The following ARHGAP39 variants were observed in gnomAD, a reference collection of about 807,000 sequenced individuals.
The protein encoded by ARHGAP39 is Rho GTPase activating protein 39.
In ARHGAP39, 44 loss-of-function variants were observed where a neutral mutation model predicts 106.9. The ratio of observed to expected loss-of-function variants is 0.41; its 90% CI spans 0.32 to 0.53. The LOEUF (loss-of-function observed/expected upper bound fraction) is 0.53. Among genes scored for constraint, ARHGAP39 ranks in the 20% least tolerant of loss-of-function variants. The pLI is 0.21. For synonymous variants in ARHGAP39, 768 were observed against 693.2 expected (o/e 1.11, Z -1.69); for missense variants, 1,496 against 1,577.3 (o/e 0.95, Z 0.87).
At chr8:144,636,608 T>C (rs963559648) in intron 1 of ARHGAP39, among the ~76,000 whole-genome samples, 1 of 152,140 alleles carries the variant, frequency 6.6e-6, no homozygotes, top group Non-Finnish European at 1.5e-5. Context: ...CAAACCCCAT[T>C]TTCACTTCTG....
At chr8:144,545,837 G>A in intron 5 of ARHGAP39, 27 bp from the exon 6 acceptor site, 1 of 1,389,736 alleles carries the variant, frequency 7.2e-7, no homozygotes, top group Non-Finnish European at 9.7e-7. Context: ...CGGCTGGGCT[G>A]TTGGGGGTGG....
In ARHGAP39 at chr8:144,597,689, A is replaced by G. The variant is rs528391416; in HGVS notation, c.80+7846T>C. ...GATCAAATGGGAAAGGCAAAACTTT[A>G]AGACTTTTAGAAGAAAATACGTGAA... is the stretch of plus-strand genomic sequence containing the variant. On this transcript the variant is annotated intron_variant, in intron 2 of 11. Transcript: ENST00000377307. 7.9e-5 allele frequency among the ~76,000 whole-genome samples: 12 copies of G among 152,336 alleles called. No individual in the cohort carries two copies. In the South Asian group the frequency reaches 2.5e-3, roughly 32 times the overall value.
chr8:144,639,597 C>T lies in ARHGAP39; in HGVS notation c.-81-33902G>A, dbSNP rs540943323. Among the ~76,000 whole-genome samples, 15 of 151,888 alleles carry T rather than the reference C, an allele frequency of 9.9e-5. No homozygotes were observed. The Middle Eastern group carries it at 0.014, about 139-fold the overall frequency. ...TACGTATTCCTGTCAATGGTTGCCACGGTAAATTTTGTATTTACATCAAGA... is the reference window on the plus strand; with the variant it reads ...TACGTATTCCTGTCAATGGTTGCCATGGTAAATTTTGTATTTACATCAAGA... On this transcript the variant is annotated intron_variant, in intron 1 of 11. Transcript: ENST00000377307.
At position 144,547,288 on chromosome 8, in the gene ARHGAP39, C is replaced by T. The variant is rs762757779; in HGVS notation, c.1798G>A (p.Val600Met). Residue 600 changes from valine to methionine, a missense_variant, in exon 5 of 12, where the codon GTG becomes ATG. This residue lies in a region of ARHGAP39 where 905 missense variants were observed against 816.4 expected (regional missense o/e 1.11). Transcript: ENST00000377307. The surrounding 1 kb of genome is among the most constrained non-coding windows in gnomAD (Gnocchi z 5.2). ...GCCTCGTCCTCGCTGAAGGCCCGCA[C>T]CACCGGCCCGGGCATGGGCAGTGGC... Reference protein sequence around the residue: ...ALPLPMPGPVVRAFSEDEALA... With the variant: ...ALPLPMPGPVMRAFSEDEALA... 115 of 1,612,124 alleles carry T rather than the reference C, an allele frequency of 7.1e-5. No homozygotes were observed. The highest frequency in any genetic ancestry group is 9.5e-5 in the Non-Finnish European group (112 of 1,179,728).
chr8:144,593,178 T>C (rs913530947), intron 2 of ARHGAP39, among the ~76,000 whole-genome samples: 8 of 152,102 alleles, frequency 5.3e-5, no homozygotes, highest in Non-Finnish European at 1.5e-5. Context: ...GAGATGTCTG[T>C]TTGCACACAG....
chr8:144,575,038 TA>T (rs1351212434), intron 3 of ARHGAP39, among the ~76,000 whole-genome samples: 1 of 152,226 alleles, frequency 6.6e-6, no homozygotes, highest in African/African-American at 2.4e-5. Flanking sequence ...TGCCGAATGC[TA>T]AATGCCATTG....
intron 3 of ARHGAP39, 85 bp from the exon 4 acceptor site, chr8:144,555,728 A>C (rs1008769256): frequency 8.6e-7 from 1 of 1,168,586 alleles, no homozygotes; most frequent in Non-Finnish European, 1.3e-6. Flanking sequence ...AGAATGTGGC[A>C]CTGCCACCTC....
chr8:144,549,517 G>A lies in ARHGAP39; in HGVS notation c.597-1028C>T, dbSNP rs11779192. Among the ~76,000 whole-genome samples, 661 of 151,988 alleles carry A rather than the reference G, an allele frequency of 4.3e-3. 1 individual carries two copies. Among genetic ancestry groups the A allele is most frequent in the Non-Finnish European group, 7.3e-3 (493 of 67,972 alleles). On this transcript the variant is annotated intron_variant, in intron 4 of 11. Coordinates refer to ENST00000377307, the MANE Select transcript of ARHGAP39 (RefSeq NM_025251.3). ...TGGTTTTGTTTTGTTTTTTTGAGACGGAGTCTTGCTCTGTCGCCAGGCTGG... is the reference window on the plus strand; with the variant it reads ...TGGTTTTGTTTTGTTTTTTTGAGACAGAGTCTTGCTCTGTCGCCAGGCTGG...
chr8:144,544,512 G>A (rs1306853763), intron 6 of ARHGAP39, among the ~76,000 whole-genome samples: 1 of 152,240 alleles, frequency 6.6e-6, no homozygotes, highest in African/African-American at 2.4e-5. Flanking sequence ...GTGCATTTCT[G>A]GATATCAGTT....
intron 2 of ARHGAP39, among the ~76,000 whole-genome samples, chr8:144,583,093 G>C (rs11993170): frequency 0.03 from 4,570 of 152,144 alleles, 230 homozygotes; most frequent in African/African-American, 0.1. Flanking sequence ...CCCCGCTCTG[G>C]TCCGTGCTTT....
chr8:144,626,920 C>A (rs1326398021), intron 1 of ARHGAP39, among the ~76,000 whole-genome samples: 2 of 152,254 alleles, frequency 1.3e-5, no homozygotes, highest in African/African-American at 4.8e-5. Context: ...CAACAGCCCC[C>A]ACAAGACATC....
At position 144,585,664 on chromosome 8, in the gene ARHGAP39, G is replaced by A. The variant is rs1037408780; in HGVS notation, c.81-4387C>T. 2.6e-5 allele frequency among the ~76,000 whole-genome samples: 4 copies of A among 152,310 alleles called. No homozygotes were observed. The Middle Eastern group carries it at 0.01, about 389-fold the overall frequency. Reference sequence around the variant, plus strand: ...TAGGGAGAGAGGATTCAGGCTTGGCGGGGCCAGGACCTCCCGCCCATGGTG... The same window carrying A: ...TAGGGAGAGAGGATTCAGGCTTGGCAGGGCCAGGACCTCCCGCCCATGGTG... On this transcript the variant is annotated intron_variant, in intron 2 of 11. Transcript: ENST00000377307. The surrounding 1 kb of genome is among the most constrained non-coding windows in gnomAD (Gnocchi z 4.6).
intron 2 of ARHGAP39, among the ~76,000 whole-genome samples, chr8:144,593,398 A>C (rs11988651): frequency 0.12 from 17,516 of 152,070 alleles, 2,268 homozygotes; most frequent in African/African-American, 0.32. Context: ...ATGCAGTCAG[A>C]CCCTACCTCA....
intron 1 of ARHGAP39, among the ~76,000 whole-genome samples, chr8:144,621,889 C>G (rs142456861): frequency 6.6e-6 from 1 of 152,228 alleles, no homozygotes; most frequent in Non-Finnish European, 1.5e-5. Flanking sequence ...TTCAGGCAAA[C>G]AAGATGTGGT....
chr8:144,537,458 A>G (rs532277200), intron 7 of ARHGAP39, among the ~76,000 whole-genome samples: 1 of 152,248 alleles, frequency 6.6e-6, no homozygotes, highest in African/African-American at 2.4e-5. Flanking sequence ...GCAAGTTATC[A>G]TGCCCCCACC....
chr8:144,613,490 G>GTT (rs59528973), intron 1 of ARHGAP39, among the ~76,000 whole-genome samples: 9 of 143,412 alleles, frequency 6.3e-5, no homozygotes, highest in South Asian at 2.2e-4. Flanking sequence ...TTGGTGGACA[G>GTT]TTTTTTTTTT....
intron 2 of ARHGAP39, among the ~76,000 whole-genome samples, chr8:144,594,912 G>T (rs1332542236): frequency 1.3e-5 from 2 of 151,786 alleles, no homozygotes; most frequent in African/African-American, 4.8e-5. Context: ...GGCTGGGTGT[G>T]GTGGCTGTAA....
Position 144,548,628 on chromosome 8 carries a change from G to GCCCCTCACACCTGCCTTGCC in ARHGAP39, c.597-159_597-140dup. The GCCCCTCACACCTGCCTTGCC allele has an allele frequency of 3.2e-6, 4 of 1,233,748 alleles. No individual in the cohort carries two copies. The highest frequency in any genetic ancestry group is 4.4e-6 in the Non-Finnish European group (4 of 916,158). The allele number at this position is 1,233,748 out of a possible 1,614,324, so 76.4% of individuals were successfully genotyped here. ...CCTCGCTGGGGCCCTGTGGCCTGGC[G>GCCCCTCACACCTGCCTTGCC]CCCCTCACACCTGCCTTGCCCCAGC... On this transcript the variant is annotated intron_variant, in intron 4 of 11. Coordinates refer to ENST00000377307, the MANE Select transcript of ARHGAP39 (RefSeq NM_025251.3). The surrounding 1 kb of genome is among the most constrained non-coding windows in gnomAD (Gnocchi z 7.4).
chr8:144,576,912 G>A (rs1435809331), intron 3 of ARHGAP39, among the ~76,000 whole-genome samples: 1 of 152,166 alleles, frequency 6.6e-6, no homozygotes, highest in African/African-American at 2.4e-5. Context: ...TCTCCAGAGG[G>A]ACCATAGGAT....
Sources: gnomAD v4.1 joint callset for allele counts (sites outside exome capture counted in the v4.1 genomes callset) on GRCh38, gnomAD v4.1.1 for gene constraint, gnomAD v4.1.1 regional missense constraint, Gnocchi (gnomAD v3.1) non-coding constraint, MANE v1.5 for transcripts, NCBI Gene and HGNC (gene_info 2026-07-23, HGNC 2026-07-21) for gene names.